The following PTPN4 variants were observed in gnomAD, a reference collection of about 807,000 sequenced individuals.
PTPN4 encodes protein tyrosine phosphatase non-receptor type 4, also known as tyrosine-protein phosphatase non-receptor type 4.
A neutral mutation model predicts 135.5 loss-of-function variants in PTPN4; 49 were observed. The observed-to-expected ratio is 0.36, with a 90% confidence interval of 0.29 to 0.46. The LOEUF is 0.46. Ranked by LOEUF, PTPN4 falls within the 20% of genes least tolerant of loss-of-function variation. The pLI is 1.00. For missense variants in PTPN4, 860 were observed against 1,101.0 expected (o/e 0.78, Z 3.10); for synonymous variants, 333 against 369.9 (o/e 0.90, Z 1.14).
intron 2 of PTPN4, among the ~76,000 whole-genome samples, chr2:119,841,126 C>G (rs1011062506): frequency 6.6e-6 from 1 of 151,218 alleles, no homozygotes; most frequent in Non-Finnish European, 1.5e-5. Context: ...GCTTTTGTTG[C>G]GATTGCTTTT....
intron 1 of PTPN4, among the ~76,000 whole-genome samples, chr2:119,774,883 G>A (rs1484450834): frequency 1.3e-5 from 2 of 151,934 alleles, no homozygotes; most frequent in African/African-American, 4.8e-5. Flanking sequence ...ATTAGGCATG[G>A]TGGCATGTGC....
At chr2:119,801,340 G>T (rs967559178) in intron 1 of PTPN4, among the ~76,000 whole-genome samples, 3 of 152,090 alleles carry the variant, frequency 2.0e-5, no homozygotes, top group African/African-American at 7.2e-5. Context: ...TGCCTGCCTA[G>T]GCCTCCCAAA....
At position 119,795,212 on chromosome 2, in the gene PTPN4, G is replaced by A. The variant is rs553038545; in HGVS notation, c.-17-14625G>A. Among the ~76,000 whole-genome samples, 10 of 152,236 alleles carry A rather than the reference G, an allele frequency of 6.6e-5. No homozygotes were observed. The East Asian group carries it at 9.7e-4, about 15-fold the overall frequency. ...GCTTGGTCCATGGGTGGCCATGGAC[G>A]GACTGGAAAAGGCACCACAAGTTCC... On this transcript the variant is annotated intron_variant, in intron 1 of 26. Transcript: ENST00000263708.
chr2:119,776,435 A>C (rs749066754), intron 1 of PTPN4, among the ~76,000 whole-genome samples: 7 of 152,196 alleles, frequency 4.6e-5, no homozygotes, highest in Non-Finnish European at 1.0e-4. Flanking sequence ...CGGCCTCCCA[A>C]AGTGCTGGGA....
intron 2 of PTPN4, among the ~76,000 whole-genome samples, chr2:119,813,401 C>T (rs1392855582): frequency 6.6e-6 from 1 of 152,046 alleles, no homozygotes; most frequent in East Asian, 1.9e-4. Flanking sequence ...GCATGTGCCA[C>T]CATGCCTGGT....
chr2:119,790,253 G>A (rs1691120488), intron 1 of PTPN4, among the ~76,000 whole-genome samples: 1 of 151,890 alleles, frequency 6.6e-6, no homozygotes, highest in Admixed American at 6.6e-5. Flanking sequence ...TTGTTCAAAT[G>A]TTCTGTTTAT....
At chr2:119,865,944 G>A (rs1221802757) in intron 3 of PTPN4, among the ~76,000 whole-genome samples, 2 of 151,926 alleles carry the variant, frequency 1.3e-5, no homozygotes, top group African/African-American at 2.4e-5. Flanking sequence ...TTTTCCTTTA[G>A]AATCTTCCCT....
chr2:119,831,430 T>TATA (rs985690087), intron 2 of PTPN4, among the ~76,000 whole-genome samples: 45 of 152,214 alleles, frequency 3.0e-4, no homozygotes, highest in Admixed American at 1.4e-3. Flanking sequence ...GACTCTCTAT[T>TATA]ATTTTTTGTT....
Position 119,956,945 on chromosome 2 carries a change from T to C in PTPN4, c.2071+11T>C. On this transcript the variant is annotated intron_variant, in intron 21 of 26. Transcript: ENST00000263708. ...GAGATATTTCGCCTTGTAAGTATCT[T>C]ATTGTCTCTGTTAAATTTAATCTTT... 2 of 1,605,146 alleles carry C rather than the reference T, an allele frequency of 1.2e-6. No individual in the cohort carries two copies. Among genetic ancestry groups the C allele is most frequent in the Non-Finnish European group, 1.7e-6 (2 of 1,177,792 alleles).
intron 2 of PTPN4, among the ~76,000 whole-genome samples, chr2:119,835,919 A>G (rs1320540605): frequency 6.6e-6 from 1 of 152,012 alleles, no homozygotes; most frequent in Non-Finnish European, 1.5e-5. Context: ...AATACAAAAA[A>G]TTAGCCAGGC....
At chr2:119,885,241 C>T (rs541722271) in intron 8 of PTPN4, among the ~76,000 whole-genome samples, 10 of 152,196 alleles carry the variant, frequency 6.6e-5, no homozygotes, top group African/African-American at 9.6e-5. Flanking sequence ...AAAACAAAGA[C>T]GTAAAAAATA....
chr2:119,868,891 A>G (rs1045142262), intron 3 of PTPN4, among the ~76,000 whole-genome samples: 2 of 151,920 alleles, frequency 1.3e-5, no homozygotes, highest in African/African-American at 4.8e-5. Flanking sequence ...TCACACCTCT[A>G]TATTTCTGTG....
chr2:119,853,178 T>A (rs1677622630), intron 2 of PTPN4, among the ~76,000 whole-genome samples: 1 of 152,202 alleles, frequency 6.6e-6, no homozygotes. Flanking sequence ...CATGCTGATT[T>A]TCTTTTTTAC....
chr2:119,972,149 G>C (rs2105066246), intron 26 of PTPN4, among the ~76,000 whole-genome samples: 1 of 140,614 alleles, frequency 7.1e-6, no homozygotes, highest in Non-Finnish European at 1.5e-5. Context: ...TATGAATTTT[G>C]AATAAGTTTA....
At position 119,832,458 on chromosome 2, in the gene PTPN4, C is replaced by T. The variant is rs1446646042; in HGVS notation, c.138+22467C>T. 7.3e-5 allele frequency among the ~76,000 whole-genome samples: 11 copies of T among 151,642 alleles called. 1 individual carries two copies. The highest frequency in any genetic ancestry group is 7.2e-4 in the Admixed American group (11 of 15,226). ...TTATTTACTTGTTTTCTTTATTGTT[C>T]ATACTGTGGGATCTTTTTCTGAGAA... On this transcript the variant is annotated intron_variant, in intron 2 of 26. Transcript: ENST00000263708.
At chr2:119,950,194 C>T (rs1472290947) in intron 18 of PTPN4, among the ~76,000 whole-genome samples, 1 of 152,030 alleles carries the variant, frequency 6.6e-6, no homozygotes, top group Non-Finnish European at 1.5e-5. Context: ...TTACATTTTC[C>T]CCAGTACCAT....
chr2:119,812,627 A>G lies in PTPN4; in HGVS notation c.138+2636A>G, dbSNP rs11890292. 3.6e-3 allele frequency among the ~76,000 whole-genome samples: 549 copies of G among 152,242 alleles called. 3 individuals carry two copies. The highest frequency in any genetic ancestry group is 0.013 in the African/African-American group (527 of 41,536). On this transcript the variant is annotated intron_variant, in intron 2 of 26. Transcript: ENST00000263708. ...GTTGGCTTGTGTTGTTTCAATGTCA[A>G]GTCCTATTTTCACTGTGGCTTTGGT... is the stretch of plus-strand genomic sequence containing the variant.
chr2:119,976,817 A>G (rs1423010720), intron 26 of PTPN4, 167 bp from the exon 27 acceptor site: 2 of 1,236,576 alleles, frequency 1.6e-6, no homozygotes, highest in Non-Finnish European at 2.1e-6. Context: ...GCCAAACTGT[A>G]TTTTTTAACC....
chr2:119,887,348 A>G (rs1678174968), intron 9 of PTPN4, among the ~76,000 whole-genome samples: 1 of 152,132 alleles, frequency 6.6e-6, no homozygotes, highest in African/African-American at 2.4e-5. Flanking sequence ...TGACCTGGGC[A>G]TGGTGGTGCA....
Sources: gnomAD v4.1 joint callset for allele counts (sites outside exome capture counted in the v4.1 genomes callset) on GRCh38, gnomAD v4.1.1 for gene constraint, MANE v1.5 for transcripts, NCBI Gene and HGNC (gene_info 2026-07-23, HGNC 2026-07-21) for gene names.